Variants in HSP90AA1 observed in about 807,000 individuals in gnomAD.
HSP90AA1 encodes the protein heat shock protein 90 alpha family class A member 1, also known as heat shock protein HSP 90-alpha.
In HSP90AA1, 18 loss-of-function variants were observed where a neutral mutation model predicts 73.3. The observed-to-expected ratio is 0.25, with a 90% CI of 0.17 to 0.36. HSP90AA1 has a LOEUF of 0.36. Ranked by LOEUF, HSP90AA1 falls within the 10% of genes least tolerant of loss-of-function variation. HSP90AA1 has a pLI of 1.00. For synonymous variants in HSP90AA1, 477 were observed against 296.9 expected, an observed-to-expected ratio of 1.61 and a Z score of -6.24; for missense variants, 704 against 874.2, an observed-to-expected ratio of 0.81 and a Z score of 2.45.
At chr14:102,101,108 A>C (rs929973084) in intron 2 of HSP90AA1, among the ~76,000 whole-genome samples, 1 of 152,180 alleles carries the variant, frequency 6.6e-6, no homozygotes, top group Non-Finnish European at 1.5e-5. Flanking sequence ...TCCTCCCAGC[A>C]TTCAAAATTT....
intron 1 of HSP90AA1, among the ~76,000 whole-genome samples, chr14:102,086,635 G>A (rs1046260599): frequency 1.3e-5 from 2 of 151,172 alleles, no homozygotes; most frequent in Admixed American, 1.3e-4. Flanking sequence ...GAACACCCCG[G>A]GTGCCCTCCC....
At chr14:102,084,187 C>T (rs2049166038) in intron 6 of HSP90AA1, 2 of 671,996 alleles carry the variant, frequency 3.0e-6, no homozygotes, top group Non-Finnish European at 5.2e-6. Flanking sequence ...TGTTTTCATG[C>T]CTCAGCCTGC....
rs879155627 is a variant in HSP90AA1 at position 102,081,304 on chromosome 14, A to G, written c.*408T>C. 8 of 298,632 alleles carry G rather than the reference A, an allele frequency of 2.7e-5. No individual in the cohort carries two copies. The South Asian group carries it at 4.2e-4, about 16-fold the overall frequency. The allele number at this position is 298,632 out of a possible 1,614,324, so 18.5% of individuals were successfully genotyped here. On this transcript the variant is annotated 3_prime_UTR_variant, in exon 11 of 11. Transcript: ENST00000216281. The stretch of plus-strand genomic sequence containing the variant: ...CAGAATTGTCAACTACAGGGAATGA[A>G]AAGTTCAAAAAGTAGATCCTACAAG...
intron 1 of HSP90AA1, among the ~76,000 whole-genome samples, chr14:102,113,814 C>T (rs1196730690): frequency 6.6e-6 from 1 of 151,750 alleles, no homozygotes; most frequent in Non-Finnish European, 1.5e-5. Context: ...AGGTTCACGC[C>T]ATTCTCCTGC....
At chr14:102,087,048 GC>G, upstream of HSP90AA1, 1 of 985,448 alleles carries the variant, frequency 1.0e-6, no homozygotes. Context: ...AGCAACTGAC[GC>G]GCCACCCCCG....
intron 1 of HSP90AA1, among the ~76,000 whole-genome samples, chr14:102,136,522 TCA>T (rs2049996746): frequency 8.4e-6 from 1 of 118,802 alleles, no homozygotes; most frequent in African/African-American, 3.2e-5. Flanking sequence ...TGAGCCGAGA[TCA>T]TGCCACTGCA....
rs531569720 is a variant in HSP90AA1 at position 102,086,024 on chromosome 14, G to C, written c.263C>G (p.Thr88Ser). The C allele has an allele frequency of 1.2e-6, 2 of 1,613,828 alleles. No homozygotes were observed. Among genetic ancestry groups the C allele is most frequent in the African/African-American group, 1.3e-5 (1 of 74,910 alleles). The change falls in exon 3 of 11, where the codon ACT (threonine) becomes AGT (serine). Residue 88 changes from threonine (T) to serine (S), a missense_variant. Physicochemically the swap from Thr to Ser is moderately conservative, Grantham distance 58. Coordinates refer to ENST00000216281, the MANE Select transcript of HSP90AA1 (RefSeq NM_005348.4). ...INLIPNKQDR[T>S]LTIVDTGIGM... ...AATTCCAGTATCCACAATAGTGAGAGTTCGATCTTGTTTGTTCGGTATAAG... is the reference window on the plus strand; with the variant it reads ...AATTCCAGTATCCACAATAGTGAGACTTCGATCTTGTTTGTTCGGTATAAG...
Position 102,081,487 on chromosome 14 carries a change from T to A in HSP90AA1, c.*225A>T. 1.7e-6 allele frequency: 1 copy of A among 589,390 alleles called. No individual in the cohort carries two copies. The highest frequency in any genetic ancestry group is 2.8e-5 in the East Asian group (1 of 35,508). 36.5% of individuals were successfully genotyped at this position (589,390 alleles called of 1,614,324 possible). A position where few individuals can be genotyped will look rare whatever the true frequency, so the allele number is the denominator to read the frequency against. On this transcript the variant is annotated 3_prime_UTR_variant, in exon 11 of 11. Transcript: ENST00000216281. ...TTACAGTGCACGTTACCCCAATCTG[T>A]GAAAATAAACCAACATGAAACTCAA...
intron 1 of HSP90AA1, among the ~76,000 whole-genome samples, chr14:102,125,724 TG>T (rs1288636960): frequency 6.6e-6 from 1 of 152,216 alleles, no homozygotes; most frequent in East Asian, 1.9e-4. Context: ...TGCAATCGTG[TG>T]TAGCGAACAA....
chr14:102,139,421 G>A (rs773027886), exon 1 of HSP90AA1: 2 of 1,530,486 alleles, frequency 1.3e-6, no homozygotes, highest in Non-Finnish European at 1.8e-6. Context: ...TCCCCGTAGG[G>A]TACCCCGCGT....
chr14:102,094,431 A>C (rs1025575693), intron 2 of HSP90AA1, among the ~76,000 whole-genome samples: 1 of 152,168 alleles, frequency 6.6e-6, no homozygotes, highest in Non-Finnish European at 1.5e-5. Context: ...AGCCCCCACC[A>C]CCTAAATATG....
Position 102,080,911 on chromosome 14 carries a change from T to A in HSP90AA1, c.*801A>T, listed in dbSNP as rs547136209. On this transcript the variant is annotated 3_prime_UTR_variant, in exon 11 of 11. Coordinates refer to ENST00000216281, the MANE Select transcript of HSP90AA1 (RefSeq NM_005348.4). Reference sequence around the variant, plus strand: ...CTCCACCCCACACCTGCTGAGTACATGCTGGGAAGACCATGTCAACCCTTG... The same window carrying A: ...CTCCACCCCACACCTGCTGAGTACAAGCTGGGAAGACCATGTCAACCCTTG... 8.7e-5 allele frequency: 20 copies of A among 228,732 alleles called. 1 individual carries two copies. Among genetic ancestry groups the A allele is most frequent in the Admixed American group, 2.8e-4 (5 of 17,648 alleles). 14.2% of individuals were successfully genotyped at this position (228,732 alleles called of 1,614,324 possible). A position where few individuals can be genotyped will look rare whatever the true frequency, so the allele number is the denominator to read the frequency against.
chr14:102,085,659 C>T (rs2049212426), intron 3 of HSP90AA1, 99 bp downstream of exon 3: 10 of 1,566,624 alleles, frequency 6.4e-6, no homozygotes, highest in Non-Finnish European at 8.8e-6. Context: ...GTTGGGCAAA[C>T]ACAAATTCTG....
intron 1 of HSP90AA1, among the ~76,000 whole-genome samples, chr14:102,110,860 C>T (rs10141998): frequency 0.046 from 7,017 of 152,214 alleles, 551 homozygotes; most frequent in African/African-American, 0.16. Flanking sequence ...GGATTACAGG[C>T]GTGAGCCACT....
rs1045014159 is a variant in HSP90AA1 at position 102,083,666 on chromosome 14, G to A, written c.1366C>T (p.Arg456Trp). 1.2e-6 allele frequency: 2 copies of A among 1,611,890 alleles called. No homozygotes were observed. Among genetic ancestry groups the A allele is most frequent in the African/African-American group, 1.3e-5 (1 of 74,418 alleles). Reference protein sequence around the residue: ...KLGIHEDSQNRKKLSELLRYY... With the variant: ...KLGIHEDSQNWKKLSELLRYY... ...CTTAACAGCTCTGAAAGCTTCTTCC[G>A]ATTTTGAGAGTCTTCGTGTATTCCA... Residue 456 changes from arginine (R) to tryptophan (W), a missense_variant, in exon 8 of 11, where the codon CGG (arginine) becomes TGG (tryptophan). Physicochemically the swap from Arg to Trp is moderately radical, Grantham distance 101. Transcript: ENST00000216281.
At chr14:102,087,734 C>G (rs549346836), upstream of HSP90AA1, among the ~76,000 whole-genome samples, 19 of 152,232 alleles carry the variant, frequency 1.2e-4, no homozygotes, top group African/African-American at 4.6e-4. Context: ...CGGGAGCGCT[C>G]CCTACTTTTG....
intron 1 of HSP90AA1, among the ~76,000 whole-genome samples, chr14:102,137,586 G>C (rs2050024199): frequency 6.6e-6 from 1 of 152,032 alleles, no homozygotes; most frequent in African/African-American, 2.4e-5. Context: ...GCCTCCCAAA[G>C]TGATGGGATT....
chr14:102,106,980 G>A (rs1474695259), intron 1 of HSP90AA1, among the ~76,000 whole-genome samples: 2 of 151,774 alleles, frequency 1.3e-5, no homozygotes, highest in Non-Finnish European at 2.9e-5. Flanking sequence ...AAATTCTAAG[G>A]AAAATAAAAA....
At chr14:102,131,155 G>C (rs888593805) in intron 1 of HSP90AA1, among the ~76,000 whole-genome samples, 1 of 152,158 alleles carries the variant, frequency 6.6e-6, no homozygotes, top group African/African-American at 2.4e-5. Flanking sequence ...TACCCAACAT[G>C]TGAAAAACGG....
Sources: gnomAD v4.1 joint callset for allele counts (sites outside exome capture counted in the v4.1 genomes callset) on GRCh38, gnomAD v4.1.1 for gene constraint, MANE v1.5 for transcripts, NCBI Gene and HGNC (gene_info 2026-07-23, HGNC 2026-07-21) for gene names.